Variants in NPHS1 observed in about 807,000 individuals in gnomAD.
The protein encoded by NPHS1 is nephrin.
NPHS1 carries 107 observed loss-of-function variants against 139.7 expected under a neutral mutation model. The observed-to-expected ratio is 0.77, with a 90% CI of 0.66 to 0.90. NPHS1 has a LOEUF of 0.90. Among genes scored for constraint, NPHS1 ranks in the 40% least tolerant of loss-of-function variants. The probability of loss-of-function intolerance (pLI) is 0.00; values close to 1 mark genes in which losing one functional copy is unlikely to be tolerated. For synonymous variants in NPHS1, 707 were observed against 706.6 expected (o/e 1.00, Z -0.01); for missense variants, 1,580 against 1,654.2 (o/e 0.96, Z 0.78).
intron 19 of NPHS1, 27 bp downstream of exon 19, chr19:35,842,097 G>GTGC (rs761639565): frequency 8.8e-6 from 14 of 1,594,484 alleles, no homozygotes; most frequent in Non-Finnish European, 1.1e-5. Context: ...TGGGGCTGGA[G>GTGC]TGCTGCCTGG....
At chr19:35,844,280 C>G in intron 15 of NPHS1, 37 bp from the exon 16 acceptor site, 2 of 1,613,896 alleles carry the variant, frequency 1.2e-6, no homozygotes, top group Admixed American at 1.7e-5. Context: ...GGCAGGACCT[C>G]CCATCCCCGG....
At chr19:35,838,166 C>T (rs896048839) in intron 22 of NPHS1, among the ~76,000 whole-genome samples, 3 of 151,758 alleles carry the variant, frequency 2.0e-5, no homozygotes, top group African/African-American at 7.3e-5. Context: ...ATTGCTCAAA[C>T]CCAGGAGGCG....
At position 35,826,538 on chromosome 19, in the gene NPHS1, G is replaced by T; in HGVS notation, c.3702C>A (p.Phe1234Leu). 3 of 1,613,852 alleles carry T rather than the reference G, an allele frequency of 1.9e-6. No homozygotes were observed. The highest frequency in any genetic ancestry group is 2.5e-6 in the Non-Finnish European group (3 of 1,179,990). The stretch of plus-strand genomic sequence containing the variant: ...CTTACACCAGATGTCCCCTCAGCTC[G>T]AAGGGCAGAGAATCGGGTTCCAGAG... ...LDTLEPDSLPFELRGHLV is the reference protein window; with the variant it reads ...LDTLEPDSLPLELRGHLV The change falls in exon 29 of 29, where the codon TTC becomes TTA. Residue 1234 changes from phenylalanine to leucine, a missense_variant. Transcript: ENST00000378910.
In NPHS1 at chr19:35,826,150, T is replaced by C; in HGVS notation, c.*364A>G. 4.2e-6 allele frequency: 1 copy of C among 240,846 alleles called. No individual in the cohort carries two copies. Among genetic ancestry groups the C allele is most frequent in the South Asian group, 5.5e-5 (1 of 18,150 alleles). 14.9% of individuals were successfully genotyped at this position (240,846 alleles called of 1,614,324 possible). ...TTAGTAGAAATGGAGTTTTACCATG[T>C]TGGCCAGGCTGGTCTCGAACTCCTG... On this transcript the variant is annotated 3_prime_UTR_variant, in exon 29 of 29. Coordinates refer to ENST00000378910, the MANE Select transcript of NPHS1 (RefSeq NM_004646.4).
chr19:35,851,466 G>A lies in NPHS1; in HGVS notation c.265C>T (p.Pro89Ser), dbSNP rs1334881131. ...GGCTCTGATCCCTTACCTCTAGCAG[G>A]GTCCCCTTCCAGGCGGTACCTCGGG... ...GFPRYRLEGD[P>S]ARGEFHLHIE... Residue 89 changes from proline (P) to serine (S), a missense_variant, in exon 2 of 29, where the codon CCT (proline) becomes TCT (serine). Transcript: ENST00000378910. 6.2e-7 allele frequency: 1 copy of A among 1,613,354 alleles called. No individual in the cohort carries two copies. Among genetic ancestry groups the A allele is most frequent in the East Asian group, 2.2e-5 (1 of 44,878 alleles).
chr19:35,826,788 G>C (rs1444045321), intron 28 of NPHS1, 143 bp from the exon 29 acceptor site: 2 of 891,150 alleles, frequency 2.2e-6, no homozygotes, highest in Admixed American at 2.0e-5. Flanking sequence ...TACAAAAAAG[G>C]AGTGTGATTA....
chr19:35,836,225 C>T (rs1300632989), intron 22 of NPHS1, among the ~76,000 whole-genome samples: 2 of 148,856 alleles, frequency 1.3e-5, no homozygotes, highest in African/African-American at 2.5e-5. Flanking sequence ...TTCCAGAGTG[C>T]TGGGATTACA....
Position 35,845,162 on chromosome 19 carries a change from C to T in NPHS1, c.1930+206G>A, listed in dbSNP as rs1973116940. Among the ~76,000 whole-genome samples the T allele has an allele frequency of 6.6e-6, 1 of 152,030 alleles. No homozygotes were observed. Among genetic ancestry groups the T allele is most frequent in the South Asian group, 2.1e-4 (1 of 4,812 alleles). On this transcript the variant is annotated intron_variant, in intron 14 of 28. Transcript: ENST00000378910. The surrounding 1 kb of genome is among the most constrained non-coding windows in gnomAD (Gnocchi z 5.5). ...GCGCACACCTGTAGTCTCAGCTACT[C>T]GGGAGGCTGAGGTGGGAGTATCACT...
chr19:35,827,461 A>T (rs1972813709), intron 28 of NPHS1, among the ~76,000 whole-genome samples: 1 of 151,702 alleles, frequency 6.6e-6, no homozygotes, highest in Non-Finnish European at 1.5e-5. Flanking sequence ...AGACTATCTC[A>T]AAAAAAGAAA....
chr19:35,836,391 G>A (rs1021597825), intron 22 of NPHS1, among the ~76,000 whole-genome samples: 3 of 151,850 alleles, frequency 2.0e-5, no homozygotes, highest in Non-Finnish European at 4.4e-5. Context: ...CTGATTAGCT[G>A]GGACTACAGG....
chr19:35,846,251 C>CA, intron 11 of NPHS1, 57 bp from the exon 12 acceptor site: 1 of 1,526,474 alleles, frequency 6.6e-7, no homozygotes, highest in Non-Finnish European at 8.8e-7. Flanking sequence ...CACCAACCCC[C>CA]AACCCCCCTA....
Position 35,845,356 on chromosome 19 carries a change from C to T in NPHS1, c.1930+12G>A, listed in dbSNP as rs528950. On this transcript the variant is annotated intron_variant, in intron 14 of 28. Coordinates refer to ENST00000378910, the MANE Select transcript of NPHS1 (RefSeq NM_004646.4). The surrounding 1 kb of genome is among the most constrained non-coding windows in gnomAD (Gnocchi z 5.5). ...AAGGCATCGAGAGGGGCTTTCAGGC[C>T]GGGGCACATACACAGTACGTTGAGG... 2.0e-3 allele frequency: 3,202 copies of T among 1,614,148 alleles called. 63 individuals carry two copies. The African/African-American group carries it at 0.038, about 19-fold the overall frequency.
chr19:35,849,211 TC>T, intron 7 of NPHS1, 24 bp downstream of exon 7: 1 of 1,613,624 alleles, frequency 6.2e-7, no homozygotes, highest in Non-Finnish European at 8.5e-7. Flanking sequence ...GTCCCCCCAT[TC>T]CCCATGCCCG....
At position 35,842,480 on chromosome 19, in the gene NPHS1, C is replaced by T. The variant is rs114203578; in HGVS notation, c.2405G>A (p.Arg802Gln). 114 of 1,614,138 alleles carry T rather than the reference C, an allele frequency of 7.1e-5. No homozygotes were observed. The African/African-American group carries it at 8.0e-4, about 11-fold the overall frequency. The change falls in exon 18 of 29, where the codon CGG (arginine) becomes CAG (glutamine). Residue 802 changes from arginine (R) to glutamine (Q), a missense_variant. Coordinates refer to ENST00000378910, the MANE Select transcript of NPHS1 (RefSeq NM_004646.4). ...CTGGGCCAGTTTGGCATGGTGAATC[C>T]GCAGGCGCCCCGTTGGTCCCCTGGA... The part of the protein sequence containing the change: ...KISRGPTGRL[R>Q]IHHAKLAQAG...
At chr19:35,840,679 T>A (rs1012397493) in intron 20 of NPHS1, among the ~76,000 whole-genome samples, 2 of 147,352 alleles carry the variant, frequency 1.4e-5, no homozygotes, top group Non-Finnish European at 3.0e-5. Context: ...CGTCAAGCAA[T>A]CAATACATGA....
At position 35,839,303 on chromosome 19, in the gene NPHS1, C is replaced by T. The variant is rs1234959650; in HGVS notation, c.3043G>A (p.Ala1015Thr). ...CCACTGTCCCCCAAGGCATTACTGG[C>T]CAGCAGCCAGACCCTGTATCTTGTA... ...PSTRYRVWLL[A>T]SNALGDSGLA... Residue 1015 changes from alanine to threonine, a missense_variant, in exon 22 of 29, where the codon GCC becomes ACC. Ala to Thr is a moderately conservative substitution (Grantham distance 58). Transcript: ENST00000378910. 2 of 1,614,210 alleles carry T rather than the reference C, an allele frequency of 1.2e-6. No individual in the cohort carries two copies. The highest frequency in any genetic ancestry group is 1.7e-6 in the Non-Finnish European group (2 of 1,180,036).
rs1972792001 is a variant in NPHS1, at chr19:35,825,635, G to A, written c.*879C>T. 6.6e-6 allele frequency among the ~76,000 whole-genome samples: 1 copy of A among 152,018 alleles called. No individual in the cohort carries two copies. The highest frequency in any genetic ancestry group is 1.5e-5 in the Non-Finnish European group (1 of 68,006). On this transcript the variant is annotated 3_prime_UTR_variant, in exon 29 of 29. Coordinates refer to ENST00000378910, the MANE Select transcript of NPHS1 (RefSeq NM_004646.4). ...TGCCTATTTTAGAATTTCTATAAAC[G>A]AAAGCACACACACAGTACATATTCT...
chr19:35,844,181 C>A lies in NPHS1; in HGVS notation c.2134G>T (p.Ala712Ser), dbSNP rs895916610. ...TGCAGCTGATAGAGGCCGTCGTCCG[C>A]GCGGGTCACATTCCACAGATGCAGA... ...GALHLWNVTR[A>S]DDGLYQLHCQ... The change falls in exon 16 of 29, where the codon GCG becomes TCG. Residue 712 changes from alanine to serine, a missense_variant. Coordinates refer to ENST00000378910, the MANE Select transcript of NPHS1 (RefSeq NM_004646.4). 8.7e-6 allele frequency: 14 copies of A among 1,611,444 alleles called. 1 individual carries two copies. In the Admixed American group the frequency reaches 2.2e-4, roughly 25 times the overall value.
chr19:35,845,388 A>C lies in NPHS1; in HGVS notation c.1910T>G (p.Phe637Cys). The C allele has an allele frequency of 6.2e-7, 1 of 1,614,248 alleles. No individual in the cohort carries two copies. Among genetic ancestry groups the C allele is most frequent in the Non-Finnish European group, 8.5e-7 (1 of 1,180,046 alleles). Residue 637 changes from phenylalanine (F) to cysteine (C), a missense_variant, in exon 14 of 29, where the codon TTC becomes TGC. By Grantham distance (205) the Phe-to-Cys change is radical (BLOSUM62 -2). Transcript: ENST00000378910. The surrounding 1 kb of genome is among the most constrained non-coding windows in gnomAD (Gnocchi z 5.5). ...CATACACAGTACGTTGAGGCGATAG[A>C]AGGAGCTCACGGTTTCGCGGAGCTC... ...SAELRETVSSFYRLNVLYRPE... is the reference protein window; with the variant it reads ...SAELRETVSSCYRLNVLYRPE...
Sources: gnomAD v4.1 joint callset for allele counts (sites outside exome capture counted in the v4.1 genomes callset) on GRCh38, gnomAD v4.1.1 for gene constraint, Gnocchi (gnomAD v3.1) non-coding constraint, MANE v1.5 for transcripts, NCBI Gene and HGNC (gene_info 2026-07-23, HGNC 2026-07-21) for gene names.